Variants in XPO6 observed in about 807,000 individuals in gnomAD.
The protein encoded by XPO6 is exportin-6.
Under a neutral mutation model 130.0 loss-of-function variants are expected in XPO6, and 3 were observed. The observed-to-expected ratio is 0.02, with a 90% CI of 0.01 to 0.06. The LOEUF (loss-of-function observed/expected upper bound fraction) is 0.06, where lower values mean the gene tolerates loss of function less well. Ranked by LOEUF, XPO6 falls within the 10% of genes least tolerant of loss-of-function variation. The pLI is 1.00. For synonymous variants in XPO6, 524 were observed against 548.9 expected (o/e 0.95, Z 0.63); for missense variants, 970 against 1,393.0 (o/e 0.70, Z 4.83).
Position 28,146,112 on chromosome 16 carries a change from T to A in XPO6, c.1316A>T (p.Lys439Met), listed in dbSNP as rs1056102089. The A allele has an allele frequency of 1.7e-5, 28 of 1,613,782 alleles. No homozygotes were observed. In the Admixed American group the frequency reaches 3.5e-4, roughly 20 times the overall value. Reference protein sequence around the residue: ...TSKIKSRLGDKEAVLNRYEDA... With the variant: ...TSKIKSRLGDMEAVLNRYEDA... ...AGTTTACCTGTTGAGAACTGCTTCCTTGTCTCCAAGACGACTTTTAATTTT... is the reference window on the plus strand; with the variant it reads ...AGTTTACCTGTTGAGAACTGCTTCCATGTCTCCAAGACGACTTTTAATTTT... The change falls in exon 9 of 24, where the codon AAG (lysine) becomes ATG (methionine). Residue 439 changes from lysine (K) to methionine (M), a missense_variant. This residue lies in a region of XPO6 where 936 missense variants were observed against 1,306.8 expected (regional missense o/e 0.72). Transcript: ENST00000304658.
chr16:28,114,865 T>C (rs2087015634), intron 15 of XPO6, among the ~76,000 whole-genome samples: 1 of 152,230 alleles, frequency 6.6e-6, no homozygotes, highest in South Asian at 2.1e-4. Flanking sequence ...TGAGTTTATG[T>C]GTTATTCTAA....
intron 4 of XPO6, among the ~76,000 whole-genome samples, chr16:28,175,480 A>C (rs1294838075): frequency 2.6e-5 from 4 of 152,094 alleles, no homozygotes; most frequent in Non-Finnish European, 4.4e-5. Context: ...CAGCCCAACA[A>C]CACCAAGTCT....
chr16:28,163,890 C>T (rs1030224447), intron 6 of XPO6, among the ~76,000 whole-genome samples: 2 of 152,188 alleles, frequency 1.3e-5, no homozygotes, highest in African/African-American at 4.8e-5. Flanking sequence ...GGCAAGCTTC[C>T]TTGTTTGTAA....
intron 1 of XPO6, among the ~76,000 whole-genome samples, chr16:28,192,132 G>A (rs1052211114): frequency 6.6e-6 from 1 of 151,552 alleles, no homozygotes; most frequent in Non-Finnish European, 1.5e-5. Context: ...TGGTGGTGGC[G>A]GACACCTGTA....
In XPO6 at chr16:28,111,922, C is replaced by T. The variant is rs575041244; in HGVS notation, c.2236G>A (p.Val746Met). Residue 746 changes from valine (V) to methionine (M), a missense_variant, in exon 17 of 24, where the codon GTG (valine) becomes ATG (methionine). Val to Met is a conservative substitution (Grantham distance 21). Coordinates refer to ENST00000304658, the MANE Select transcript of XPO6 (RefSeq NM_015171.4). Reference sequence around the variant, plus strand: ...AGGCTGGCGTGGTTGATGGAGCGCACGGGCCACTGCTGCTCATTCTCTGGA... The same window carrying T: ...AGGCTGGCGTGGTTGATGGAGCGCATGGGCCACTGCTGCTCATTCTCTGGA... ...NLPENEQQWP[V>M]RSINHASLIS... 33 of 1,614,108 alleles carry T rather than the reference C, an allele frequency of 2.0e-5. No homozygotes were observed. The East Asian group carries it at 4.5e-4, about 22-fold the overall frequency.
Position 28,125,693 on chromosome 16 carries a change from C to G in XPO6, c.1762G>C (p.Glu588Gln). 1 of 1,613,686 alleles carries G rather than the reference C, an allele frequency of 6.2e-7. No individual in the cohort carries two copies. The highest frequency in any genetic ancestry group is 8.5e-7 in the Non-Finnish European group (1 of 1,179,742). The change falls in exon 13 of 24, where the codon GAA (glutamate) becomes CAA (glutamine). Residue 588 changes from glutamate (E) to glutamine (Q), a missense_variant. This residue lies in a region of XPO6 where 936 missense variants were observed against 1,306.8 expected (regional missense o/e 0.72). Transcript: ENST00000304658. ...ATAAGGTAACTGCCAGCCTACCTTT[C>G]CACGACTGTGAGGGCATCATTGAAC... ...ARFNDALTVV[E>Q]RLVKVTLYGS...
intron 1 of XPO6, among the ~76,000 whole-genome samples, chr16:28,210,345 A>T (rs909311088): frequency 6.6e-6 from 1 of 152,106 alleles, no homozygotes; most frequent in Non-Finnish European, 1.5e-5. Flanking sequence ...TTATACCACT[A>T]ACTTGGCAGG....
In XPO6 at chr16:28,098,643, G is replaced by C; in HGVS notation, c.3277-4C>G. The C allele has an allele frequency of 1.9e-6, 3 of 1,607,220 alleles. No individual in the cohort carries two copies. Among genetic ancestry groups the C allele is most frequent in the Non-Finnish European group, 2.6e-6 (3 of 1,175,452 alleles). Reference sequence around the variant, plus strand: ...TCTGGGTGAATGAGGGCAGGTCCTGGAAGGCAGGGGCATAGCTGCAGCCAA... The same window carrying C: ...TCTGGGTGAATGAGGGCAGGTCCTGCAAGGCAGGGGCATAGCTGCAGCCAA... On this transcript the variant is annotated splice_polypyrimidine_tract_variant and splice_region_variant and intron_variant, in intron 23 of 23. Coordinates refer to ENST00000304658, the MANE Select transcript of XPO6 (RefSeq NM_015171.4).
intron 1 of XPO6, among the ~76,000 whole-genome samples, chr16:28,187,305 A>G (rs2043710860): frequency 1.3e-5 from 2 of 152,204 alleles, no homozygotes; most frequent in African/African-American, 4.8e-5. Context: ...AGATTACAGT[A>G]CAGATCAGGT....
chr16:28,125,477 C>A (rs1053670085), intron 13 of XPO6, among the ~76,000 whole-genome samples: 56 of 152,192 alleles, frequency 3.7e-4, no homozygotes, highest in Admixed American at 1.3e-4. Flanking sequence ...CACACTAAAC[C>A]TACAGGAAAC....
At chr16:28,200,115 A>G (rs1321350408) in intron 1 of XPO6, among the ~76,000 whole-genome samples, 1 of 151,746 alleles carries the variant, frequency 6.6e-6, no homozygotes, top group African/African-American at 2.4e-5. Context: ...AGATCACGCC[A>G]CTACACCCCA....
intron 1 of XPO6, among the ~76,000 whole-genome samples, chr16:28,204,988 G>A (rs751130621): frequency 2.6e-5 from 4 of 152,130 alleles, no homozygotes; most frequent in Non-Finnish European, 4.4e-5. Flanking sequence ...CTTGAGCCCA[G>A]GAGTTCAAGG....
chr16:28,188,359 T>C (rs1228020730), intron 1 of XPO6, among the ~76,000 whole-genome samples: 1 of 152,208 alleles, frequency 6.6e-6, no homozygotes, highest in East Asian at 1.9e-4. Flanking sequence ...TTCAGGTTCA[T>C]GGGCTCATAG....
At position 28,101,933 on chromosome 16, in the gene XPO6, A is replaced by C; in HGVS notation, c.2959T>G (p.Ser987Ala). The change falls in exon 22 of 24, where the codon TCC becomes GCC. Residue 987 changes from serine (S) to alanine (A), a missense_variant. This residue lies in a region of XPO6 where 936 missense variants were observed against 1,306.8 expected (regional missense o/e 0.72). Coordinates refer to ENST00000304658, the MANE Select transcript of XPO6 (RefSeq NM_015171.4). This position sits in a 1 kb window ranked among gnomAD's most constrained non-coding sequence, Gnocchi z 5.4. ...AGGTGGATGTCGGGCTGGAGAAAGG[A>C]CTGTCCGAAAGCCTAGGAAATGAGA... ...FSAIMQAFGQ[S>A]FLQPDIHLFK... 6.2e-7 allele frequency: 1 copy of C among 1,614,042 alleles called. No individual in the cohort carries two copies. The highest frequency in any genetic ancestry group is 1.1e-5 in the South Asian group (1 of 91,064).
intron 1 of XPO6, 130 bp downstream of exon 1, chr16:28,211,236 T>C (rs980110809): frequency 5.2e-6 from 5 of 968,024 alleles, no homozygotes; most frequent in Non-Finnish European, 6.8e-6. Context: ...CACGCATGTG[T>C]CACCGGCCAG....
chr16:28,172,878 G>A (rs1156389994), intron 4 of XPO6, among the ~76,000 whole-genome samples: 1 of 152,132 alleles, frequency 6.6e-6, no homozygotes. Context: ...ACCAATACCT[G>A]AAGAAAATGT....
chr16:28,182,190 T>C (rs746876009), intron 1 of XPO6, among the ~76,000 whole-genome samples: 2 of 152,162 alleles, frequency 1.3e-5, no homozygotes, highest in Non-Finnish European at 2.9e-5. Context: ...GACCTGACTA[T>C]AAAAACTGCA....
At chr16:28,107,384 C>T in intron 18 of XPO6, 138 bp downstream of exon 18, 1 of 1,026,712 alleles carries the variant, frequency 9.7e-7, no homozygotes, top group East Asian at 2.4e-5. Flanking sequence ...ACTGCCCTTT[C>T]CCCTCAGTAC....
At chr16:28,198,670 T>TA (rs980570692) in intron 1 of XPO6, among the ~76,000 whole-genome samples, 1 of 148,266 alleles carries the variant, frequency 6.7e-6, no homozygotes, top group African/African-American at 2.5e-5. Flanking sequence ...TTTTAAAATT[T>TA]AAAAAAAAAA....
Sources: gnomAD v4.1 joint callset for allele counts (sites outside exome capture counted in the v4.1 genomes callset) on GRCh38, gnomAD v4.1.1 for gene constraint, gnomAD v4.1.1 regional missense constraint, Gnocchi (gnomAD v3.1) non-coding constraint, MANE v1.5 for transcripts, NCBI Gene and HGNC (gene_info 2026-07-23, HGNC 2026-07-21) for gene names.